SRGAP1: variants seen among roughly 807,000 people sequenced by gnomAD.
SRGAP1 encodes the protein SLIT-ROBO Rho GTPase-activating protein 1.
In SRGAP1, 43 loss-of-function variants were observed where a neutral mutation model predicts 121.9. The ratio of observed to expected loss-of-function variants is 0.35; its 90% CI spans 0.28 to 0.46. SRGAP1 has a LOEUF of 0.46. Ranked by LOEUF, SRGAP1 falls within the 20% of genes least tolerant of loss-of-function variation. The pLI is 1.00. For synonymous variants in SRGAP1, 447 were observed against 485.4 expected, an observed-to-expected ratio of 0.92 and a Z score of 1.04; for missense variants, 1,102 against 1,350.9, an observed-to-expected ratio of 0.82 and a Z score of 2.89.
At chr12:64,065,057 C>A in intron 7 of SRGAP1, 61 bp from the exon 8 acceptor site, 1 of 1,214,340 alleles carries the variant, frequency 8.2e-7, no homozygotes, top group Non-Finnish European at 1.2e-6. Context: ...AATAACAGAG[C>A]CGTGCTTCTG....
At chr12:63,930,236 A>G (rs1592955152) in intron 1 of SRGAP1, among the ~76,000 whole-genome samples, 1 of 151,722 alleles carries the variant, frequency 6.6e-6, no homozygotes, top group South Asian at 2.1e-4. Context: ...CATGCCTATA[A>G]TCCCAGCAGT....
chr12:63,995,208 A>G (rs2033662463), intron 3 of SRGAP1, among the ~76,000 whole-genome samples: 1 of 152,200 alleles, frequency 6.6e-6, no homozygotes, highest in South Asian at 2.1e-4. Flanking sequence ...TGGTTTACAT[A>G]AATACATGTA....
intron 3 of SRGAP1, among the ~76,000 whole-genome samples, chr12:64,000,415 C>T (rs746227926): frequency 2.0e-5 from 3 of 151,830 alleles, no homozygotes; most frequent in East Asian, 1.9e-4. Flanking sequence ...TCAAGACCAG[C>T]GTGGGCAACA....
intron 3 of SRGAP1, among the ~76,000 whole-genome samples, chr12:64,003,023 TGAGAGA>T (rs141854046): frequency 4.5e-4 from 48 of 106,864 alleles, no homozygotes; most frequent in South Asian, 9.9e-4. Context: ...TGTATGTGAG[TGAGAGA>T]GAGAGAGAGA....
chr12:64,022,029 A>G (rs1037427318), intron 4 of SRGAP1, among the ~76,000 whole-genome samples: 1 of 152,222 alleles, frequency 6.6e-6, no homozygotes, highest in African/African-American at 2.4e-5. Context: ...CTGCACTGGC[A>G]GTCAGCAAGC....
intron 21 of SRGAP1, among the ~76,000 whole-genome samples, chr12:64,141,313 G>A (rs1349619922): frequency 2.0e-5 from 3 of 151,400 alleles, no homozygotes; most frequent in Non-Finnish European, 4.4e-5. Flanking sequence ...CCGGCACGGT[G>A]GCTCATGCCT....
chr12:63,861,602 C>A (rs1227649649), intron 1 of SRGAP1, among the ~76,000 whole-genome samples: 1 of 152,042 alleles, frequency 6.6e-6, no homozygotes, highest in African/African-American at 2.4e-5. Flanking sequence ...CCCAGCCAGG[C>A]ATAAATTTTT....
chr12:64,123,023 G>T (rs1258269655), intron 18 of SRGAP1, among the ~76,000 whole-genome samples: 1 of 152,188 alleles, frequency 6.6e-6, no homozygotes, highest in East Asian at 1.9e-4. Context: ...GACAGTGTGT[G>T]ATTGAATGTC....
intron 1 of SRGAP1, chr12:63,982,885 G>C (rs546067269): frequency 9.2e-4 from 140 of 152,240 alleles, no homozygotes; most frequent in African/African-American, 3.3e-3. Context: ...TTTTGCTTTT[G>C]AGCTTTTGCT....
intron 18 of SRGAP1, among the ~76,000 whole-genome samples, chr12:64,118,177 C>T (rs948862330): frequency 1.1e-4 from 16 of 152,188 alleles, no homozygotes; most frequent in Middle Eastern, 3.2e-3. Flanking sequence ...GTGCTGTTTT[C>T]TGAAGCAGAT....
intron 11 of SRGAP1, among the ~76,000 whole-genome samples, chr12:64,090,006 A>C (rs1246280770): frequency 6.6e-6 from 1 of 152,222 alleles, no homozygotes; most frequent in Non-Finnish European, 1.5e-5. Flanking sequence ...AAGCTTAATG[A>C]AGGGCTTTAC....
intron 1 of SRGAP1, among the ~76,000 whole-genome samples, chr12:63,901,689 A>G (rs917152059): frequency 2.6e-5 from 4 of 152,230 alleles, no homozygotes; most frequent in Admixed American, 2.0e-4. Context: ...ACAAACTGCT[A>G]CTAACCACAG....
At chr12:63,845,328 G>A (rs998481434) in intron 1 of SRGAP1, among the ~76,000 whole-genome samples, 1 of 152,126 alleles carries the variant, frequency 6.6e-6, no homozygotes, top group Admixed American at 6.5e-5. Context: ...GCCTCATTGA[G>A]TGCAGGCTAT....
chr12:63,912,788 C>T (rs889812778), intron 1 of SRGAP1, among the ~76,000 whole-genome samples: 4 of 152,060 alleles, frequency 2.6e-5, no homozygotes, highest in Non-Finnish European at 5.9e-5. Context: ...TTTTGACCAA[C>T]ATTTTAGAGG....
intron 6 of SRGAP1, among the ~76,000 whole-genome samples, chr12:64,056,452 A>G (rs1263923392): frequency 6.7e-6 from 1 of 149,086 alleles, no homozygotes. Flanking sequence ...AGTTGGGAGG[A>G]TGAGGCAGGA....
intron 16 of SRGAP1, among the ~76,000 whole-genome samples, chr12:64,111,396 C>T (rs933779462): frequency 5.9e-5 from 9 of 152,138 alleles, no homozygotes; most frequent in African/African-American, 1.7e-4. Flanking sequence ...ATTTTAAAGA[C>T]ATCCATAAAG....
chr12:64,046,407 C>T (rs1356895689), intron 6 of SRGAP1, among the ~76,000 whole-genome samples: 2 of 152,024 alleles, frequency 1.3e-5, no homozygotes, highest in African/African-American at 4.8e-5. Context: ...CAGGAGGACA[C>T]GAGTGAAAAC....
At chr12:64,074,682 A>C (rs2035702332) in intron 8 of SRGAP1, among the ~76,000 whole-genome samples, 1 of 152,146 alleles carries the variant, frequency 6.6e-6, no homozygotes, top group Non-Finnish European at 1.5e-5. Context: ...CTGTTTTCTT[A>C]CATGTTTGTC....
intron 3 of SRGAP1, among the ~76,000 whole-genome samples, chr12:63,999,620 G>C (rs144829236): frequency 2.6e-5 from 4 of 152,266 alleles, no homozygotes; most frequent in African/African-American, 9.6e-5. Context: ...AGTTGTCAGG[G>C]TGATAGGCGT....
Sources: allele counts gnomAD v4.1 joint callset (sites outside exome capture counted in the v4.1 genomes callset), GRCh38; gene constraint gnomAD v4.1.1; transcripts MANE v1.5; gene names NCBI Gene and HGNC (gene_info 2026-07-23, HGNC 2026-07-21).